The following ST8SIA4 variants were observed in gnomAD, a reference collection of about 807,000 sequenced individuals.
ST8SIA4 encodes the protein ST8 alpha-N-acetyl-neuraminide alpha-2,8-sialyltransferase 4, also known as CMP-N-acetylneuraminate-poly-alpha-2,8-sialyltransferase.
ST8SIA4 carries 15 observed loss-of-function variants against 33.9 expected under a neutral mutation model. That is an observed-to-expected ratio of 0.44 (90% confidence interval 0.30 to 0.68). ST8SIA4 has a LOEUF of 0.68. Ranked by LOEUF, ST8SIA4 falls within the 30% of genes least tolerant of loss-of-function variation. ST8SIA4 has a pLI of 0.10. For missense variants in ST8SIA4, 321 were observed against 428.0 expected (o/e 0.75, Z 2.21); for synonymous variants, 171 against 151.2 (o/e 1.13, Z -0.96).
At chr5:100,838,985 A>C (rs1751418169) in intron 4 of ST8SIA4, among the ~76,000 whole-genome samples, 1 of 151,690 alleles carries the variant, frequency 6.6e-6, no homozygotes, top group Non-Finnish European at 1.5e-5. Flanking sequence ...CTTAAAAGAG[A>C]ACATTAATTT....
chr5:100,840,202 T>G (rs1751444627), intron 4 of ST8SIA4, among the ~76,000 whole-genome samples: 1 of 151,886 alleles, frequency 6.6e-6, no homozygotes, highest in South Asian at 2.1e-4. Flanking sequence ...CCTTTCACCC[T>G]TTTATTTTAA....
chr5:100,824,320 CTA>C (rs896248759), intron 4 of ST8SIA4, among the ~76,000 whole-genome samples: 2 of 151,984 alleles, frequency 1.3e-5, no homozygotes, highest in South Asian at 2.1e-4. Flanking sequence ...CAAAAAGAAA[CTA>C]TAGAGTGCTA....
At chr5:100,867,223 C>T (rs17160705) in intron 3 of ST8SIA4, among the ~76,000 whole-genome samples, 15,727 of 151,832 alleles carry the variant, frequency 0.1, 1,662 homozygotes, top group African/African-American at 0.26. Context: ...CTGTGTATTG[C>T]GAAATAAAAC....
chr5:100,883,424 C>G (rs935166638), intron 3 of ST8SIA4, among the ~76,000 whole-genome samples: 1 of 152,102 alleles, frequency 6.6e-6, no homozygotes, highest in South Asian at 2.1e-4. Flanking sequence ...GGCTCATAGG[C>G]GGAAGGGACT....
intron 3 of ST8SIA4, among the ~76,000 whole-genome samples, chr5:100,859,979 A>G (rs1486309174): frequency 6.6e-6 from 1 of 152,162 alleles, no homozygotes; most frequent in East Asian, 1.9e-4. Flanking sequence ...TAACAATGAC[A>G]TAATCTATCC....
chr5:100,854,651 TAATAC>T (rs1751776796), intron 4 of ST8SIA4, among the ~76,000 whole-genome samples: 1 of 152,032 alleles, frequency 6.6e-6, no homozygotes, highest in South Asian at 2.1e-4. Context: ...GTGTGCAAAA[TAATAC>T]AATACAAGAA....
Position 100,811,934 on chromosome 5 carries a change from G to A in ST8SIA4, c.993C>T (p.His331=), listed in dbSNP as rs1750824835. 9 of 1,613,954 alleles carry A rather than the reference G, an allele frequency of 5.6e-6. No individual in the cohort carries two copies. The highest frequency in any genetic ancestry group is 1.1e-5 in the South Asian group (1 of 91,088). Residue 331 remains histidine, a synonymous_variant, in exon 5 of 5, where the codon CAC becomes CAT. Transcript: ENST00000231461. ...ATGTTTTGAATTCTAATGGCATTCTGTGAGGGCTTGCATTGGAAAAGTACC... is the reference window on the plus strand; with the variant it reads ...ATGTTTTGAATTCTAATGGCATTCTATGAGGGCTTGCATTGGAAAAGTACC... The part of the protein sequence containing the change: ...KYRYFSNASP[H]RMPLEFKTLN...
At chr5:100,881,487 A>C (rs1752421109) in intron 3 of ST8SIA4, among the ~76,000 whole-genome samples, 1 of 152,184 alleles carries the variant, frequency 6.6e-6, no homozygotes, top group Non-Finnish European at 1.5e-5. Flanking sequence ...ACTTAATATT[A>C]CTAGTTATCT....
In ST8SIA4 at chr5:100,898,090, C is replaced by T. The variant is rs1752819148; in HGVS notation, c.114-2305G>A. Among the ~76,000 whole-genome samples, 5 of 152,256 alleles carry T rather than the reference C, an allele frequency of 3.3e-5. No homozygotes were observed. In the South Asian group the frequency reaches 1.0e-3, roughly 32 times the overall value. On this transcript the variant is annotated intron_variant, in intron 1 of 4. Transcript: ENST00000231461. ...TATCAGTGTCATCTTTTTCTAACCA[C>T]AGATTGATATCATTATAATAATTAT...
chr5:100,865,103 C>T (rs1308717681), intron 3 of ST8SIA4, among the ~76,000 whole-genome samples: 5 of 152,182 alleles, frequency 3.3e-5, no homozygotes, highest in Non-Finnish European at 1.5e-5. Context: ...TATCAGGGAA[C>T]TCTGAACTTC....
chr5:100,858,658 T>A (rs1267930314), intron 3 of ST8SIA4, among the ~76,000 whole-genome samples: 3 of 152,070 alleles, frequency 2.0e-5, no homozygotes, highest in Non-Finnish European at 4.4e-5. Context: ...CTTTCCACTT[T>A]GAAAGCAAAA....
chr5:100,866,574 A>T (rs1752064355), intron 3 of ST8SIA4, among the ~76,000 whole-genome samples: 1 of 139,060 alleles, frequency 7.2e-6, no homozygotes, highest in African/African-American at 2.7e-5. Flanking sequence ...ACCTCTTCTA[A>T]ATTTCACACA....
chr5:100,895,823 G>T lies in ST8SIA4; in HGVS notation c.114-38C>A, dbSNP rs142693184. ...AAAATTGCCAGCTTTGTGAAAGTAA[G>T]AAACATTTTGTGTATACAGCACAGT... On this transcript the variant is annotated intron_variant, in intron 1 of 4. Transcript: ENST00000231461. 2.8e-5 allele frequency: 45 copies of T among 1,608,448 alleles called. No homozygotes were observed. The Middle Eastern group carries it at 1.0e-3, about 36-fold the overall frequency.
chr5:100,888,012 A>T (rs1171172021), intron 2 of ST8SIA4, among the ~76,000 whole-genome samples: 1 of 151,938 alleles, frequency 6.6e-6, no homozygotes, highest in Non-Finnish European at 1.5e-5. Flanking sequence ...GCCTTCCCAT[A>T]TAAGTCCATA....
At position 100,808,584 on chromosome 5, in the gene ST8SIA4, T is replaced by C. The variant is rs1021307855; in HGVS notation, c.*3263A>G. 5.2e-5 allele frequency: 8 copies of C among 152,620 alleles called. No homozygotes were observed. Among genetic ancestry groups the C allele is most frequent in the Non-Finnish European group, 1.2e-4 (8 of 68,038 alleles). 9.5% of individuals were successfully genotyped at this position (152,620 alleles called of 1,614,324 possible). A position where few individuals can be genotyped will look rare whatever the true frequency, so the allele number is the denominator to read the frequency against. The stretch of plus-strand genomic sequence containing the variant: ...AATCAGCTGCCTGAGCATTGCCAAG[T>C]ACAGGGTTAAATAGTAAAAAATAAA... On this transcript the variant is annotated 3_prime_UTR_variant, in exon 5 of 5. Transcript: ENST00000231461.
At chr5:100,844,751 A>C (rs1751533555) in intron 4 of ST8SIA4, among the ~76,000 whole-genome samples, 1 of 152,024 alleles carries the variant, frequency 6.6e-6, no homozygotes, top group South Asian at 2.1e-4. Flanking sequence ...GTAATCAAAT[A>C]ACTGAAAAAG....
chr5:100,830,412 T>A (rs1332583344), intron 4 of ST8SIA4, among the ~76,000 whole-genome samples: 3 of 152,214 alleles, frequency 2.0e-5, no homozygotes, highest in Non-Finnish European at 4.4e-5. Flanking sequence ...CTTTAAGTAA[T>A]GCCTAGCACA....
intron 3 of ST8SIA4, among the ~76,000 whole-genome samples, chr5:100,874,361 TAGAAA>T (rs1752260903): frequency 6.6e-6 from 1 of 152,142 alleles, no homozygotes; most frequent in Non-Finnish European, 1.5e-5. Flanking sequence ...GTTTGTAAAT[TAGAAA>T]ACTAAATATA....
intron 4 of ST8SIA4, among the ~76,000 whole-genome samples, chr5:100,817,108 AATTTTTTTTTTTTTTT>A (rs1692009992): frequency 1.4e-5 from 1 of 71,128 alleles, no homozygotes; most frequent in South Asian, 5.4e-4. Context: ...ACACCCAGCT[AATTTTTTTTTTTTTTT>A]TTTTTTTTTT....
Sources: gnomAD v4.1 joint callset for allele counts (sites outside exome capture counted in the v4.1 genomes callset) on GRCh38, gnomAD v4.1.1 for gene constraint, MANE v1.5 for transcripts, NCBI Gene and HGNC (gene_info 2026-07-23, HGNC 2026-07-21) for gene names.